The following HPSE2 variants were observed in gnomAD, a reference collection of about 807,000 sequenced individuals.
HPSE2 encodes the protein inactive heparanase-2.
HPSE2 carries 38 observed loss-of-function variants against 60.5 expected under a neutral mutation model. The ratio of observed to expected loss-of-function variants is 0.63; its 90% confidence interval spans 0.48 to 0.82. HPSE2 has a LOEUF of 0.82. Among genes scored for constraint, HPSE2 ranks in the 40% least tolerant of loss-of-function variants. The pLI, the probability that HPSE2 is intolerant of heterozygous loss-of-function variation, is 0.00. For synonymous variants in HPSE2, 295 were observed against 293.2 expected (o/e 1.01, Z -0.06); for missense variants, 713 against 740.4 (o/e 0.96, Z 0.43).
chr10:98,960,714 TTTTTTTGTTTTATTTTTTTTATTTTA>T (rs1564692611), intron 3 of HPSE2, among the ~76,000 whole-genome samples: 10 of 53,212 alleles, frequency 1.9e-4, no homozygotes, highest in African/African-American at 9.0e-4. Flanking sequence ...TTTTTTTTTT[TTTTTTTGTTTTATTTTTTTTATTTTA>T]TTTTTTTTTT....
intron 6 of HPSE2, among the ~76,000 whole-genome samples, chr10:98,684,932 T>C (rs1162502596): frequency 1.9e-4 from 1 of 5,394 alleles, no homozygotes; most frequent in Non-Finnish European, 7.8e-3. Flanking sequence ...GTTTGTCATA[T>C]ATATTTCAAA....
intron 3 of HPSE2, among the ~76,000 whole-genome samples, chr10:98,994,702 C>T (rs1037811931): frequency 4.6e-5 from 7 of 152,090 alleles, no homozygotes; most frequent in African/African-American, 9.7e-5. Flanking sequence ...GGTGATGGGA[C>T]CAGAGACGGT....
rs11301458 is a variant in HPSE2, at chr10:99,053,719, C to CTTTTTTT, written c.610+90512_610+90518dup. On this transcript the variant is annotated intron_variant, in intron 3 of 11. Transcript: ENST00000370552. ...TGAATTAAGTACAGAGAGTTACAGT[C>CTTTTTTT]TTTTTTTTTTTTTTTTTTTTTTTTT... is the stretch of plus-strand genomic sequence containing the variant. 8.6e-5 allele frequency among the ~76,000 whole-genome samples: 5 copies of CTTTTTTT among 57,808 alleles called. 1 individual carries two copies. The highest frequency in any genetic ancestry group is 1.1e-4 in the Non-Finnish European group (4 of 34,854). The allele number at this position is 57,808 out of a possible 152,430, so 37.9% of individuals were successfully genotyped here.
At chr10:98,685,977 CTG>C (rs1947906020) in intron 6 of HPSE2, among the ~76,000 whole-genome samples, 1 of 152,082 alleles carries the variant, frequency 6.6e-6, no homozygotes, top group African/African-American at 2.4e-5. Flanking sequence ...TTTTTAATGT[CTG>C]TGCAATCTGT....
chr10:98,772,537 G>A (rs557674496), intron 3 of HPSE2, among the ~76,000 whole-genome samples: 6 of 152,266 alleles, frequency 3.9e-5, no homozygotes, highest in Non-Finnish European at 7.4e-5. Context: ...CTAAGGAAAA[G>A]GAGAAAACAA....
chr10:99,257,847 G>A, the HPSE2 span, among the ~76,000 whole-genome samples: 3 of 152,066 alleles, frequency 2.0e-5, no homozygotes, highest in African/African-American at 7.2e-5. Context: ...TGTTGCCCCT[G>A]GATACCCAGC....
chr10:99,253,461 T>C, the HPSE2 span, among the ~76,000 whole-genome samples: 5,137 of 152,256 alleles, frequency 0.034, 306 homozygotes, highest in African/African-American at 0.12. Context: ...ACTGGACCCC[T>C]ACCTTTCACC....
intron 3 of HPSE2, among the ~76,000 whole-genome samples, chr10:98,958,487 T>A (rs1203622784): frequency 6.6e-6 from 1 of 152,160 alleles, no homozygotes; most frequent in Non-Finnish European, 1.5e-5. Flanking sequence ...TGCTATCTAT[T>A]ATTGAGCATT....
intron 10 of HPSE2, among the ~76,000 whole-genome samples, chr10:98,486,510 G>A (rs1327500577): frequency 6.6e-6 from 1 of 152,108 alleles, no homozygotes; most frequent in Non-Finnish European, 1.5e-5. Context: ...TCCTGCCTGA[G>A]ATTTCTCTGT....
chr10:98,928,831 A>T (rs1954558569), intron 3 of HPSE2, among the ~76,000 whole-genome samples: 2 of 83,740 alleles, frequency 2.4e-5, no homozygotes, highest in South Asian at 8.2e-4. Context: ...CACTCTGGGG[A>T]CTGTTGTGGG....
chr10:98,544,777 T>G (rs896143987), intron 9 of HPSE2, among the ~76,000 whole-genome samples: 3 of 145,938 alleles, frequency 2.1e-5, no homozygotes, highest in Non-Finnish European at 4.5e-5. Flanking sequence ...ATTCAAAAGC[T>G]AGCAGAACGC....
At chr10:98,524,225 G>A (rs952387909) in intron 9 of HPSE2, among the ~76,000 whole-genome samples, 67 of 152,192 alleles carry the variant, frequency 4.4e-4, no homozygotes, top group African/African-American at 1.5e-3. Flanking sequence ...AATGGGACAC[G>A]CGCATGAGTT....
intron 1 of HPSE2, among the ~76,000 whole-genome samples, chr10:99,233,991 T>A (rs1421678165): frequency 6.6e-6 from 1 of 152,080 alleles, no homozygotes; most frequent in African/African-American, 2.4e-5. Context: ...GCAGATTTTT[T>A]AAAAAAAGAA....
At chr10:98,525,650 C>T (rs1050594270) in intron 9 of HPSE2, among the ~76,000 whole-genome samples, 2 of 152,156 alleles carry the variant, frequency 1.3e-5, no homozygotes, top group Admixed American at 1.3e-4. Flanking sequence ...GAAAGCAAAG[C>T]AGGCCTCTGG....
At chr10:98,586,034 A>T (rs1339017165) in intron 9 of HPSE2, among the ~76,000 whole-genome samples, 1 of 152,096 alleles carries the variant, frequency 6.6e-6, no homozygotes, top group Non-Finnish European at 1.5e-5. Flanking sequence ...AATTATTCTA[A>T]TTCCAATTAT....
intron 3 of HPSE2, among the ~76,000 whole-genome samples, chr10:98,913,346 GA>G (rs1177938133): frequency 1.3e-5 from 2 of 152,116 alleles, no homozygotes; most frequent in Non-Finnish European, 2.9e-5. Flanking sequence ...TGTACATATT[GA>G]AAGTCAATCA....
chr10:98,500,142 A>AAGTCTTT (rs1941983024), intron 9 of HPSE2, among the ~76,000 whole-genome samples: 2 of 152,160 alleles, frequency 1.3e-5, no homozygotes, highest in Non-Finnish European at 2.9e-5. Context: ...CAAAGAAACA[A>AAGTCTTT]TGGATTTAAA....
At chr10:99,282,546 A>G in the HPSE2 span, among the ~76,000 whole-genome samples, 1 of 152,212 alleles carries the variant, frequency 6.6e-6, no homozygotes, top group South Asian at 2.1e-4. Context: ...GGAATCCTCT[A>G]CCCAACAATA....
At chr10:99,247,967 A>G in the HPSE2 span, among the ~76,000 whole-genome samples, 1 of 152,184 alleles carries the variant, frequency 6.6e-6, no homozygotes, top group Non-Finnish European at 1.5e-5. Context: ...TCTCAGCCAT[A>G]CTTACTGTAC....
Sources: gnomAD v4.1 joint callset for allele counts (sites outside exome capture counted in the v4.1 genomes callset) on GRCh38, gnomAD v4.1.1 for gene constraint, MANE v1.5 for transcripts, NCBI Gene and HGNC (gene_info 2026-07-23, HGNC 2026-07-21) for gene names.